CCDC150: variants seen among roughly 807,000 people sequenced by gnomAD.
CCDC150 encodes coiled-coil domain-containing protein 150.
A neutral mutation model predicts 156.5 loss-of-function variants in CCDC150; 151 were observed. The observed-to-expected ratio is 0.97, with a 90% confidence interval of 0.85 to 1.10. The LOEUF is 1.10. CCDC150 is among the 50% of genes least tolerant of loss of function. The pLI is 0.00. For missense variants in CCDC150, 1,312 were observed against 1,268.1 expected (o/e 1.03, Z -0.53); for synonymous variants, 452 against 429.4 (o/e 1.05, Z -0.65).
chr2:196,707,242 G>A (rs1696716681), intron 15 of CCDC150, among the ~76,000 whole-genome samples: 1 of 152,156 alleles, frequency 6.6e-6, no homozygotes, highest in African/African-American at 2.4e-5. Context: ...TTGGGAGAGT[G>A]TATGTGTCCA....
rs1009771501 is a variant in CCDC150, at chr2:196,713,459, G to C, written c.1866+720G>C. On this transcript the variant is annotated intron_variant, in intron 17 of 27. Transcript: ENST00000389175. ...CAGTATAAAGGAAAGAACGTCATCA[G>C]TTGGTTTGCCTAGTGTTATTCCAAA... is the stretch of plus-strand genomic sequence containing the variant. The C allele has an allele frequency of 4.5e-6, 7 of 1,550,700 alleles. No homozygotes were observed. The African/African-American group carries it at 9.6e-5, about 21-fold the overall frequency.
intron 1 of CCDC150, among the ~76,000 whole-genome samples, chr2:196,645,649 C>T (rs1011074250): frequency 1.3e-5 from 2 of 152,184 alleles, no homozygotes; most frequent in Non-Finnish European, 2.9e-5. Context: ...AAAGTATTCT[C>T]ACTATTCTTA....
At chr2:196,678,876 G>A (rs1694656685) in intron 13 of CCDC150, among the ~76,000 whole-genome samples, 1 of 152,202 alleles carries the variant, frequency 6.6e-6, no homozygotes, top group South Asian at 2.1e-4. Context: ...TTCAGCCTGG[G>A]TGACAGAGTG....
intron 2 of CCDC150, among the ~76,000 whole-genome samples, chr2:196,655,723 A>C (rs1385346803): frequency 6.6e-6 from 1 of 152,148 alleles, no homozygotes; most frequent in Non-Finnish European, 1.5e-5. Context: ...AGATTCTTAT[A>C]TGAGACTCTT....
chr2:196,689,618 T>C (rs1334529261), intron 13 of CCDC150, among the ~76,000 whole-genome samples: 1 of 152,070 alleles, frequency 6.6e-6, no homozygotes, highest in Non-Finnish European at 1.5e-5. Context: ...TTTTCTGAAG[T>C]TGCTTATCAG....
intron 17 of CCDC150, 36 bp from the exon 18 acceptor site, chr2:196,718,467 T>C (rs1217140291): frequency 2.6e-6 from 4 of 1,517,228 alleles, no homozygotes; most frequent in African/African-American, 1.4e-5. Context: ...ATCACTGATT[T>C]GTAATGTTAT....
chr2:196,650,619 C>T (rs1692821687), intron 2 of CCDC150, among the ~76,000 whole-genome samples: 1 of 152,202 alleles, frequency 6.6e-6, no homozygotes, highest in Non-Finnish European at 1.5e-5. Flanking sequence ...ATCTCAAACT[C>T]CTGACCTCGT....
chr2:196,675,039 A>T (rs1043338523), intron 10 of CCDC150, among the ~76,000 whole-genome samples: 1 of 152,124 alleles, frequency 6.6e-6, no homozygotes, highest in Non-Finnish European at 1.5e-5. Flanking sequence ...TAAGAGGTAG[A>T]GTTGTGTTTT....
chr2:196,730,729 A>G, intron 25 of CCDC150, 130 bp from the exon 26 acceptor site: 1 of 659,596 alleles, frequency 1.5e-6, no homozygotes, highest in Non-Finnish European at 2.7e-6. Flanking sequence ...CTCATATGTC[A>G]GTAGCACCTG....
At chr2:196,702,343 C>CTGTGTGTGTGTGTGTGTGTGTG (rs3220631) in intron 15 of CCDC150, among the ~76,000 whole-genome samples, 1 of 143,682 alleles carries the variant, frequency 7.0e-6, no homozygotes, top group South Asian at 2.3e-4. Context: ...GACTGAAGTG[C>CTGTGTGTGTGTGTGTGTGTGTG]TGTGTGTGTG....
rs559818842 is a variant in CCDC150 at position 196,655,545 on chromosome 2, GA to G, written c.177-1086del. 2.2e-4 allele frequency among the ~76,000 whole-genome samples: 34 copies of G among 152,280 alleles called. 1 individual carries two copies. In the South Asian group the frequency reaches 5.8e-3, roughly 26 times the overall value. ...TTAACTCCCTGATGCAAGTTAGTTA[GA>G]AGCCAGACCATCGAGTATTCACTGG... On this transcript the variant is annotated intron_variant, in intron 2 of 27. Coordinates refer to ENST00000389175, the MANE Select transcript of CCDC150 (RefSeq NM_001080539.2).
chr2:196,731,170 T>C (rs2125722761), intron 26 of CCDC150, among the ~76,000 whole-genome samples: 1 of 152,248 alleles, frequency 6.6e-6, no homozygotes, highest in East Asian at 1.9e-4. Context: ...TGCTAAAATA[T>C]TAAACCTGAA....
intron 14 of CCDC150, among the ~76,000 whole-genome samples, chr2:196,698,092 C>T (rs895213844): frequency 6.6e-6 from 1 of 152,140 alleles, no homozygotes; most frequent in African/African-American, 2.4e-5. Flanking sequence ...TCAGTTCACT[C>T]TTCTGTAACT....
chr2:196,656,685 A>G lies in CCDC150; in HGVS notation c.229A>G (p.Ile77Val). ...AGAAGACCTGGACAGCCAGAAAGTC[A>G]TTAGTCCTATCCAAAATGAAGCAAT... Reference protein sequence around the residue: ...CLEDLDSQKVISPIQNEAICA... With the variant: ...CLEDLDSQKVVSPIQNEAICA... Residue 77 changes from isoleucine (I) to valine (V), a missense_variant, in exon 3 of 28, where the codon ATT (isoleucine) becomes GTT (valine). Ile to Val is a conservative substitution (Grantham distance 29). Transcript: ENST00000389175. The G allele has an allele frequency of 6.2e-7, 1 of 1,613,540 alleles. No homozygotes were observed. The highest frequency in any genetic ancestry group is 8.5e-7 in the Non-Finnish European group (1 of 1,179,698).
chr2:196,661,684 A>G (rs1412791905), intron 5 of CCDC150, among the ~76,000 whole-genome samples: 5 of 152,182 alleles, frequency 3.3e-5, no homozygotes, highest in Admixed American at 3.3e-4. Context: ...ATAAATATAT[A>G]TAAAATAGAT....
In CCDC150 at chr2:196,730,910, A is replaced by C; in HGVS notation, c.3034A>C (p.Asn1012His). 1 of 1,601,748 alleles carries C rather than the reference A, an allele frequency of 6.2e-7. No homozygotes were observed. The highest frequency in any genetic ancestry group is 2.2e-5 in the East Asian group (1 of 44,554). The change falls in exon 26 of 28, where the codon AAT (asparagine) becomes CAT (histidine). Residue 1012 changes from asparagine to histidine, a missense_variant. Physicochemically the swap from Asn to His is moderately conservative, Grantham distance 68 (BLOSUM62 1). Coordinates refer to ENST00000389175, the MANE Select transcript of CCDC150 (RefSeq NM_001080539.2). ...GAAGAAATGTAAAGAGGCAACAGAG[A>C]ATACGCTGAAAGAAGCCAGTGTGGA... ...HLKKCKEATE[N>H]TLKEASVESE... is the part of the protein sequence containing the mutation.
chr2:196,641,087 C>T (rs541272954), intron 1 of CCDC150, among the ~76,000 whole-genome samples: 29 of 152,244 alleles, frequency 1.9e-4, no homozygotes, highest in African/African-American at 4.6e-4. Context: ...CTCAGCCATC[C>T]GAGTAGCTGA....
chr2:196,711,986 C>A (rs907715726), intron 15 of CCDC150, among the ~76,000 whole-genome samples, 159 bp from the exon 16 acceptor site: 1 of 142,732 alleles, frequency 7.0e-6, no homozygotes, highest in Admixed American at 6.9e-5. Context: ...CTTAGGATTG[C>A]TTTTTGCAAG....
At chr2:196,715,822 A>G (rs1697459929) in intron 17 of CCDC150, among the ~76,000 whole-genome samples, 2 of 152,196 alleles carry the variant, frequency 1.3e-5, no homozygotes, top group East Asian at 3.8e-4. Flanking sequence ...TAGATTTGAT[A>G]TCAAAAGCAT....
Sources: gnomAD v4.1 joint callset for allele counts (sites outside exome capture counted in the v4.1 genomes callset) on GRCh38, gnomAD v4.1.1 for gene constraint, MANE v1.5 for transcripts, NCBI Gene and HGNC (gene_info 2026-07-23, HGNC 2026-07-21) for gene names.